The following DPP10 variants were observed in gnomAD, a reference collection of about 807,000 sequenced individuals.
The protein encoded by DPP10 is dipeptidyl peptidase like 10, also known as inactive dipeptidyl peptidase 10.
In DPP10, 33 loss-of-function variants were observed where a neutral mutation model predicts 120.9. The ratio of observed to expected loss-of-function variants is 0.27; its 90% CI spans 0.21 to 0.37. The LOEUF (loss-of-function observed/expected upper bound fraction) is 0.37. Among genes scored for constraint, DPP10 ranks in the 10% least tolerant of loss-of-function variants. DPP10 has a pLI of 1.00. For missense variants in DPP10, 816 were observed against 942.8 expected (o/e 0.87, Z 1.76); for synonymous variants, 337 against 326.1 (o/e 1.03, Z -0.36).
intron 1 of DPP10, among the ~76,000 whole-genome samples, chr2:114,927,254 C>T (rs1180698616): frequency 1.3e-5 from 2 of 151,978 alleles, no homozygotes; most frequent in African/African-American, 4.8e-5. Context: ...AGAGCTGTCT[C>T]TTAATCAAGA....
chr2:114,994,929 CAAA>C (rs1558966486), intron 1 of DPP10, among the ~76,000 whole-genome samples: 4 of 152,044 alleles, frequency 2.6e-5, no homozygotes, highest in African/African-American at 4.8e-5. Flanking sequence ...TTGTGTGAGA[CAAA>C]AGGAAAAAAT....
chr2:114,902,581 C>T (rs1160676930), intron 1 of DPP10, among the ~76,000 whole-genome samples: 1 of 152,112 alleles, frequency 6.6e-6, no homozygotes, highest in Non-Finnish European at 1.5e-5. Context: ...ATTTTAGAAC[C>T]AGCTCGTTAA....
chr2:114,716,751 C>A (rs979575641), intron 1 of DPP10, among the ~76,000 whole-genome samples: 4 of 152,234 alleles, frequency 2.6e-5, no homozygotes, highest in African/African-American at 9.6e-5. Context: ...TTGATCTTCC[C>A]TGTTCAAAAG....
intron 5 of DPP10, among the ~76,000 whole-genome samples, chr2:115,583,177 G>C (rs956076840): frequency 2.0e-5 from 3 of 152,098 alleles, no homozygotes; most frequent in Non-Finnish European, 4.4e-5. Context: ...TAGTTGTCAG[G>C]GCTACTAGGA....
chr2:114,577,828 A>G (rs1421385461), intron 1 of DPP10, among the ~76,000 whole-genome samples: 1 of 152,146 alleles, frequency 6.6e-6, no homozygotes, highest in Non-Finnish European at 1.5e-5. Flanking sequence ...CATCACCCTG[A>G]TCTCTTGCCT....
chr2:114,868,158 C>G (rs1690389602), intron 1 of DPP10, among the ~76,000 whole-genome samples: 1 of 152,146 alleles, frequency 6.6e-6, no homozygotes, highest in South Asian at 2.1e-4. Flanking sequence ...TTAAGACCCT[C>G]AAGATAGCAC....
intron 3 of DPP10, among the ~76,000 whole-genome samples, chr2:115,459,653 A>G (rs2073861468): frequency 6.6e-6 from 1 of 152,048 alleles, no homozygotes. Flanking sequence ...TAGGGATAAA[A>G]AAGCAATTTG....
chr2:114,740,520 T>TA (rs200567138), intron 1 of DPP10, among the ~76,000 whole-genome samples: 6 of 151,282 alleles, frequency 4.0e-5, no homozygotes, highest in South Asian at 2.1e-4. Context: ...AAATAAAAAT[T>TA]AAAAAAAAAC....
At chr2:115,560,719 A>G (rs2080593959) in intron 5 of DPP10, among the ~76,000 whole-genome samples, 1 of 151,670 alleles carries the variant, frequency 6.6e-6, no homozygotes, top group South Asian at 2.1e-4. Context: ...GGCTCAAGCT[A>G]GCAAAGTGAT....
At chr2:115,528,874 CT>C (rs113856069) in intron 5 of DPP10, among the ~76,000 whole-genome samples, 115 of 151,866 alleles carry the variant, frequency 7.6e-4, no homozygotes, top group African/African-American at 2.6e-3. Context: ...ATGAGAGCAG[CT>C]TTTTTTGTTT....
chr2:114,662,510 C>T (rs1697501734), intron 1 of DPP10, among the ~76,000 whole-genome samples: 1 of 152,084 alleles, frequency 6.6e-6, no homozygotes, highest in Non-Finnish European at 1.5e-5. Flanking sequence ...TGTGTCAGAC[C>T]CGCGACCACT....
At chr2:115,626,279 G>A (rs1236058003) in intron 5 of DPP10, among the ~76,000 whole-genome samples, 1 of 151,814 alleles carries the variant, frequency 6.6e-6, no homozygotes, top group Admixed American at 6.6e-5. Flanking sequence ...AGACATACAT[G>A]ATCTTAACCA....
chr2:114,538,409 A>C (rs947430682), intron 1 of DPP10, among the ~76,000 whole-genome samples: 1 of 152,192 alleles, frequency 6.6e-6, no homozygotes, highest in African/African-American at 2.4e-5. Context: ...AAGGGAATTG[A>C]GACTCACAGA....
chr2:115,727,908 T>A lies in DPP10; in HGVS notation c.669T>A (p.Phe223Leu). ...CTTCTGGAAAAGAAGAAATAATTTT[T>A]AATGGGATTGCTGACTGGTTATATG... ...LTSSGKEEIIFNGIADWLYEE... is the reference protein window; with the variant it reads ...LTSSGKEEIILNGIADWLYEE... Residue 223 changes from phenylalanine (F) to leucine (L), a missense_variant, in exon 8 of 26, where the codon TTT (phenylalanine) becomes TTA (leucine). By Grantham distance (22) the Phe-to-Leu change is conservative. Around this residue, in one of 3 missense-constraint regions of DPP10, gnomAD observed 42 missense variants for 86.4 expected, o/e 0.49. Coordinates refer to ENST00000410059, the MANE Select transcript of DPP10 (RefSeq NM_020868.6). 1 of 1,608,504 alleles carries A rather than the reference T, an allele frequency of 6.2e-7. No homozygotes were observed. The highest frequency in any genetic ancestry group is 8.5e-7 in the Non-Finnish European group (1 of 1,177,700).
chr2:115,532,905 A>C (rs759199813), intron 5 of DPP10, among the ~76,000 whole-genome samples: 2 of 152,094 alleles, frequency 1.3e-5, no homozygotes, highest in South Asian at 4.1e-4. Flanking sequence ...TTATCCATAT[A>C]TATTTGGAAT....
chr2:114,987,423 A>C (rs923070086), intron 1 of DPP10, among the ~76,000 whole-genome samples: 1 of 152,126 alleles, frequency 6.6e-6, no homozygotes, highest in Non-Finnish European at 1.5e-5. Flanking sequence ...ATTTTTTTCT[A>C]AACTATAACT....
chr2:114,828,093 A>G (rs1686727141), intron 1 of DPP10, among the ~76,000 whole-genome samples: 1 of 152,198 alleles, frequency 6.6e-6, no homozygotes, highest in African/African-American at 2.4e-5. Context: ...TGCACTGTAT[A>G]TGTACTATTT....
At chr2:115,146,598 AAAC>A (rs2051237958) in intron 1 of DPP10, among the ~76,000 whole-genome samples, 2 of 152,036 alleles carry the variant, frequency 1.3e-5, no homozygotes, top group South Asian at 4.2e-4. Context: ...GAAAAAAAAA[AAAC>A]AACCTCGAGT....
At chr2:114,580,229 C>A (rs192901974) in intron 1 of DPP10, among the ~76,000 whole-genome samples, 181 of 152,266 alleles carry the variant, frequency 1.2e-3, no homozygotes, top group African/African-American at 4.1e-3. Context: ...CCCAGGCATT[C>A]GGTCCTGATA....
Sources: gnomAD v4.1 joint callset for allele counts (sites outside exome capture counted in the v4.1 genomes callset) on GRCh38, gnomAD v4.1.1 for gene constraint, gnomAD v4.1.1 regional missense constraint, MANE v1.5 for transcripts, NCBI Gene and HGNC (gene_info 2026-07-23, HGNC 2026-07-21) for gene names.